Variants in PRKN observed in about 807,000 individuals in gnomAD.
PRKN encodes parkin RBR E3 ubiquitin protein ligase, also known as E3 ubiquitin-protein ligase parkin.
A neutral mutation model predicts 59.5 loss-of-function variants in PRKN; 56 were observed. The observed-to-expected ratio is 0.94, with a 90% confidence interval of 0.76 to 1.18. The LOEUF is 1.18. PRKN is among the 50% of genes most tolerant of loss of function. PRKN has a pLI of 0.00. For missense variants in PRKN, 657 were observed against 596.4 expected, an observed-to-expected ratio of 1.10 and a Z score of -1.06; for synonymous variants, 250 against 222.1, an observed-to-expected ratio of 1.13 and a Z score of -1.12.
At position 162,010,869 on chromosome 6, in the gene PRKN, TATAAAATATATTATATA is replaced by T. The variant is rs1450622680; in HGVS notation, c.619-37469_619-37453del. ...CATAATATTAATATATATAATATAT[TATAAAATATATTATATA>T]ATATATTATATATACTATAATATAT... On this transcript the variant is annotated intron_variant, in intron 5 of 11. Transcript: ENST00000366898. Among the ~76,000 whole-genome samples, 2 of 6,056 alleles carry T rather than the reference TATAAAATATATTATATA, an allele frequency of 3.3e-4. 1 individual carries two copies. Among genetic ancestry groups the T allele is most frequent in the Non-Finnish European group, 3.9e-4 (2 of 5,128 alleles). The allele number at this position is 6,056 out of a possible 152,430, so 4.0% of individuals were successfully genotyped here.
chr6:162,270,537 CA>C (rs370634607), intron 2 of PRKN, among the ~76,000 whole-genome samples: 4 of 152,144 alleles, frequency 2.6e-5, no homozygotes, highest in Non-Finnish European at 4.4e-5. Context: ...GGAAGGCTGT[CA>C]AACTTTCTAA....
intron 4 of PRKN, among the ~76,000 whole-genome samples, chr6:162,153,333 C>T (rs1782355828): frequency 6.6e-6 from 1 of 151,870 alleles, no homozygotes; most frequent in South Asian, 2.1e-4. Context: ...AAATGGTCAG[C>T]TGCTTTAGCC....
chr6:162,578,934 A>T (rs1030193148), intron 1 of PRKN, among the ~76,000 whole-genome samples: 1 of 152,228 alleles, frequency 6.6e-6, no homozygotes, highest in African/African-American at 2.4e-5. Context: ...GTTGACACAA[A>T]AGTAACTTAA....
chr6:161,426,341 A>T (rs1788355672), intron 9 of PRKN, among the ~76,000 whole-genome samples: 1 of 152,032 alleles, frequency 6.6e-6, no homozygotes, highest in Admixed American at 6.6e-5. Context: ...GTCAAAGGAG[A>T]TTAACATTTG....
rs553169445 is a variant in PRKN at position 162,078,966 on chromosome 6, A to G, written c.535-24792T>C. 7.5e-4 allele frequency among the ~76,000 whole-genome samples: 114 copies of G among 152,220 alleles called. 1 individual carries two copies. Among genetic ancestry groups the G allele is most frequent in the African/African-American group, 2.5e-3 (105 of 41,474 alleles). On this transcript the variant is annotated intron_variant, in intron 4 of 11. Transcript: ENST00000366898. ...ACAGTCTGTCTTCACACAAAATCAC[A>G]AAGTCTTACGTGACTCAAATTTCTT...
chr6:162,339,129 C>T (rs1252534984), intron 2 of PRKN, among the ~76,000 whole-genome samples: 11 of 147,336 alleles, frequency 7.5e-5, no homozygotes, highest in African/African-American at 2.0e-4. Flanking sequence ...GGAGCCCCTC[C>T]GCCCGGCAGC....
At chr6:161,504,322 G>A (rs1476390963) in intron 9 of PRKN, among the ~76,000 whole-genome samples, 2 of 152,102 alleles carry the variant, frequency 1.3e-5, no homozygotes, top group South Asian at 4.1e-4. Context: ...TTGCCATGGG[G>A]ACCACTCCCT....
chr6:162,703,711 G>C (rs114292972), intron 1 of PRKN, among the ~76,000 whole-genome samples: 145 of 152,356 alleles, frequency 9.5e-4, no homozygotes, highest in African/African-American at 3.4e-3. Context: ...CACAGTCACA[G>C]AGGGTCGTGA....
intron 1 of PRKN, among the ~76,000 whole-genome samples, chr6:162,468,698 G>C (rs546782889): frequency 6.6e-6 from 1 of 152,134 alleles, no homozygotes; most frequent in African/African-American, 2.4e-5. Flanking sequence ...GAGCAGCTCC[G>C]GCCAGCCAAG....
intron 7 of PRKN, among the ~76,000 whole-genome samples, chr6:161,617,737 T>C (rs1053901639): frequency 6.6e-6 from 1 of 152,244 alleles, no homozygotes; most frequent in African/African-American, 2.4e-5. Flanking sequence ...TAATAGATTA[T>C]ACAATAGATT....
chr6:161,617,690 T>C (rs9456688), intron 7 of PRKN, among the ~76,000 whole-genome samples: 4,321 of 152,274 alleles, frequency 0.028, 160 homozygotes, highest in African/African-American at 0.085. Flanking sequence ...TAGCTAGGTG[T>C]TTCTCATATC....
chr6:161,797,095 G>C (rs1427573197), intron 6 of PRKN, among the ~76,000 whole-genome samples: 1 of 152,158 alleles, frequency 6.6e-6, no homozygotes, highest in Non-Finnish European at 1.5e-5. Context: ...TTTAACATAA[G>C]AAATTATTTC....
intron 9 of PRKN, among the ~76,000 whole-genome samples, chr6:161,464,070 A>G (rs1790334207): frequency 6.6e-6 from 1 of 152,022 alleles, no homozygotes; most frequent in Non-Finnish European, 1.5e-5. Flanking sequence ...GCTGGAGTGC[A>G]ATGGTGCAAT....
intron 6 of PRKN, among the ~76,000 whole-genome samples, chr6:161,944,628 C>T (rs1779714520): frequency 6.6e-6 from 1 of 152,270 alleles, no homozygotes; most frequent in African/African-American, 2.4e-5. Flanking sequence ...TTCTGGGGGC[C>T]AAGCACAGTG....
intron 7 of PRKN, among the ~76,000 whole-genome samples, chr6:161,695,632 T>C (rs1785986960): frequency 6.6e-6 from 1 of 152,200 alleles, no homozygotes; most frequent in Admixed American, 6.5e-5. Context: ...TAAAGACAAC[T>C]GAGAAGGCAA....
At chr6:161,637,164 C>G (rs892386015) in intron 7 of PRKN, among the ~76,000 whole-genome samples, 5 of 152,140 alleles carry the variant, frequency 3.3e-5, no homozygotes, top group Non-Finnish European at 5.9e-5. Context: ...TGCTGAGGAT[C>G]TGAGGTTTTT....
At chr6:161,837,159 C>G (rs6939637) in intron 6 of PRKN, among the ~76,000 whole-genome samples, 27,080 of 152,012 alleles carry the variant, frequency 0.18, 2,676 homozygotes, top group South Asian at 0.32. Flanking sequence ...CCTCCTCCCC[C>G]CTCATCAATG....
intron 2 of PRKN, among the ~76,000 whole-genome samples, chr6:162,381,303 T>C (rs1009330014): frequency 5.9e-5 from 9 of 152,194 alleles, no homozygotes; most frequent in Admixed American, 5.9e-4. Flanking sequence ...CTATAACTAT[T>C]GTTGCCCTCC....
chr6:161,906,614 T>C (rs543066124), intron 6 of PRKN, among the ~76,000 whole-genome samples: 1 of 146,238 alleles, frequency 6.8e-6, no homozygotes, highest in East Asian at 2.0e-4. Context: ...TATACCCAAG[T>C]GTATTAGTCA....
Sources: allele counts gnomAD v4.1 joint callset (sites outside exome capture counted in the v4.1 genomes callset), GRCh38; gene constraint gnomAD v4.1.1; transcripts MANE v1.5; gene names NCBI Gene and HGNC (gene_info 2026-07-23, HGNC 2026-07-21).